Variants in PTPN1 observed in about 807,000 individuals in gnomAD.
PTPN1 encodes tyrosine-protein phosphatase non-receptor type 1.
Under a neutral mutation model 59.9 loss-of-function variants are expected in PTPN1, and 12 were observed. That is an observed-to-expected ratio of 0.20 (90% CI 0.13 to 0.32). PTPN1 has a LOEUF of 0.32. PTPN1 is among the 10% of genes least tolerant of loss of function. PTPN1 has a pLI of 1.00. For missense variants in PTPN1, 356 were observed against 549.2 expected, an observed-to-expected ratio of 0.65 and a Z score of 3.52; for synonymous variants, 178 against 203.6, an observed-to-expected ratio of 0.87 and a Z score of 1.07.
chr20:50,545,134 A>T, intron 1 of PTPN1, among the ~76,000 whole-genome samples: 1 of 152,090 alleles, frequency 6.6e-6, no homozygotes, highest in East Asian at 1.9e-4. Context: ...TTTTTATTTT[A>T]TTTATTTTAT....
Position 50,581,308 on chromosome 20 carries a change from A to T in PTPN1, c.1132A>T (p.Ser378Cys). 3.1e-6 allele frequency: 5 copies of T among 1,613,534 alleles called. No homozygotes were observed. The highest frequency in any genetic ancestry group is 4.2e-6 in the Non-Finnish European group (5 of 1,179,474). ...TEVRSRVVGG[S>C]LRGAQAASPA... is the part of the protein sequence containing the mutation. Reference sequence around the variant, plus strand: ...AGTTAGAAGTCGGGTCGTGGGGGGAAGTCTTCGAGGTGCCCAGGCTGCCTC... The same window carrying T: ...AGTTAGAAGTCGGGTCGTGGGGGGATGTCTTCGAGGTGCCCAGGCTGCCTC... The change falls in exon 9 of 10, where the codon AGT becomes TGT. Residue 378 changes from serine (S) to cysteine (C), a missense_variant. Ser to Cys is a moderately radical substitution (Grantham distance 112). Around this residue, in one of 3 missense-constraint regions of PTPN1, gnomAD observed 62 missense variants for 97.2 expected, o/e 0.64. Coordinates refer to ENST00000371621, the MANE Select transcript of PTPN1 (RefSeq NM_002827.4).
In PTPN1 at chr20:50,582,688, C is replaced by A. The variant is rs369211133; in HGVS notation, c.1285-4C>A. ...CTCATCTGAACTGTTTGGTTTCATT[C>A]CAGTTCCTGTTCAACAGCAACACAT... On this transcript the variant is annotated splice_polypyrimidine_tract_variant and splice_region_variant and intron_variant, in intron 9 of 9. Coordinates refer to ENST00000371621, the MANE Select transcript of PTPN1 (RefSeq NM_002827.4). This position sits in a 1 kb window ranked among gnomAD's most constrained non-coding sequence, Gnocchi z 4.2. 1.9e-5 allele frequency: 30 copies of A among 1,613,610 alleles called. No individual in the cohort carries two copies. In the African/African-American group the frequency reaches 4.0e-4, roughly 22 times the overall value.
chr20:50,513,492 C>T (rs765098913), intron 1 of PTPN1, among the ~76,000 whole-genome samples: 4 of 152,140 alleles, frequency 2.6e-5, no homozygotes, highest in South Asian at 2.1e-4. Flanking sequence ...CTTGTTTTCT[C>T]GTCTGTAAAT....
chr20:50,573,253 C>A (rs1033240481), intron 4 of PTPN1: 1 of 152,360 alleles, frequency 6.6e-6, no homozygotes, highest in Non-Finnish European at 1.5e-5. Context: ...ATCTGGGCCT[C>A]TGCTGGCCCC....
At chr20:50,543,970 C>G (rs753122552) in intron 1 of PTPN1, among the ~76,000 whole-genome samples, 1 of 152,054 alleles carries the variant, frequency 6.6e-6, no homozygotes, top group Non-Finnish European at 1.5e-5. Flanking sequence ...CTCAGCCTCC[C>G]GAGTAGCTGG....
At chr20:50,556,134 C>G (rs954875226) in intron 1 of PTPN1, among the ~76,000 whole-genome samples, 15 of 150,654 alleles carry the variant, frequency 1.0e-4, no homozygotes, top group African/African-American at 3.7e-4. Context: ...TTTATTTACT[C>G]TTAGGTAGGT....
intron 1 of PTPN1, among the ~76,000 whole-genome samples, chr20:50,526,927 C>G (rs2082578812): frequency 6.6e-6 from 1 of 152,168 alleles, no homozygotes; most frequent in South Asian, 2.1e-4. Flanking sequence ...GTATTGAGCC[C>G]CTAGAAATCC....
chr20:50,553,207 G>T (rs1024454159), intron 1 of PTPN1, among the ~76,000 whole-genome samples: 5 of 152,104 alleles, frequency 3.3e-5, no homozygotes, highest in African/African-American at 1.2e-4. Context: ...TCTAATTTTT[G>T]TCTGGTGACT....
At chr20:50,527,437 G>A (rs1468211318) in intron 1 of PTPN1, among the ~76,000 whole-genome samples, 1 of 151,946 alleles carries the variant, frequency 6.6e-6, no homozygotes, top group Non-Finnish European at 1.5e-5. Flanking sequence ...TCTGCCTCCC[G>A]GCTTCAGGCG....
At position 50,582,703 on chromosome 20, in the gene PTPN1, C is replaced by T; in HGVS notation, c.1296C>T (p.Asn432=). The change falls in exon 10 of 10, where the codon AAC becomes AAT. Residue 432 remains asparagine, a synonymous_variant. Transcript: ENST00000371621. This position sits in a 1 kb window ranked among gnomAD's most constrained non-coding sequence, Gnocchi z 4.2. ...GAYLCYRFLF[N]SNT ...TGGTTTCATTCCAGTTCCTGTTCAA[C>T]AGCAACACATAGCCTGACCCTCCTC... The T allele has an allele frequency of 6.2e-7, 1 of 1,613,896 alleles. No homozygotes were observed. The highest frequency in any genetic ancestry group is 8.5e-7 in the Non-Finnish European group (1 of 1,179,924).
At chr20:50,528,265 A>G (rs927185598) in intron 1 of PTPN1, among the ~76,000 whole-genome samples, 3 of 152,120 alleles carry the variant, frequency 2.0e-5, no homozygotes, top group Admixed American at 6.5e-5. Flanking sequence ...TCATAGCACC[A>G]TGTCTGAGTA....
At chr20:50,537,415 A>G (rs1302826320) in intron 1 of PTPN1, among the ~76,000 whole-genome samples, 2 of 152,224 alleles carry the variant, frequency 1.3e-5, no homozygotes, top group Non-Finnish European at 2.9e-5. Context: ...CACTGCCCAT[A>G]ACATTTTGCA....
chr20:50,561,597 G>T, intron 2 of PTPN1, 144 bp downstream of exon 2: 1 of 522,716 alleles, frequency 1.9e-6, no homozygotes, highest in Admixed American at 3.8e-5. Flanking sequence ...TATAGTAAAG[G>T]CATTAGAGAC....
chr20:50,529,834 G>T (rs568234989), intron 1 of PTPN1, among the ~76,000 whole-genome samples: 1 of 152,190 alleles, frequency 6.6e-6, no homozygotes, highest in South Asian at 2.1e-4. Context: ...GGGATTTTTA[G>T]TGTTGGTTTG....
intron 4 of PTPN1, among the ~76,000 whole-genome samples, chr20:50,569,717 C>T (rs996392389): frequency 2.6e-5 from 4 of 151,858 alleles, no homozygotes; most frequent in Admixed American, 1.3e-4. Context: ...TAGACTGTCT[C>T]TGTAGACCGT....
In PTPN1 at chr20:50,510,426, C is replaced by G. The variant is rs570155941; in HGVS notation, c.-102C>G. On this transcript the variant is annotated 5_prime_UTR_variant, in exon 1 of 10. Coordinates refer to ENST00000371621, the MANE Select transcript of PTPN1 (RefSeq NM_002827.4). ...CTAGGGCGGCGGTAGCTGCAGGGGT[C>G]GGGGATTGCAGCGGGCCTCGGGGCT... The G allele has an allele frequency of 7.6e-7, 1 of 1,314,140 alleles. No homozygotes were observed. The highest frequency in any genetic ancestry group is 2.4e-5 in the Admixed American group (1 of 40,918). The allele number at this position is 1,314,140 out of a possible 1,614,324, so 81.4% of individuals were successfully genotyped here.
At chr20:50,563,528 T>C (rs2145697) in intron 2 of PTPN1, among the ~76,000 whole-genome samples, 114,063 of 152,136 alleles carry the variant, frequency 0.75, 42,871 homozygotes, top group East Asian at 0.91. Flanking sequence ...AATACCATTA[T>C]GTAATTTTTG....
intron 8 of PTPN1, 41 bp downstream of exon 8, chr20:50,579,967 T>A (rs1156414368): frequency 1.3e-6 from 2 of 1,567,188 alleles, no homozygotes; most frequent in African/African-American, 2.7e-5. Context: ...TGAGGGGAAA[T>A]GACTTTCTGT....
chr20:50,518,088 T>G (rs13433237), intron 1 of PTPN1, among the ~76,000 whole-genome samples: 13 of 152,368 alleles, frequency 8.5e-5, no homozygotes, highest in African/African-American at 3.1e-4. Context: ...AAGAAACGTT[T>G]TTCGACTTTT....
Sources: allele counts gnomAD v4.1 joint callset (sites outside exome capture counted in the v4.1 genomes callset), GRCh38; gene constraint gnomAD v4.1.1; regional missense constraint gnomAD v4.1.1; non-coding constraint Gnocchi (gnomAD v3.1); transcripts MANE v1.5; gene names NCBI Gene and HGNC (gene_info 2026-07-23, HGNC 2026-07-21).